NXPE2: variants seen among roughly 807,000 people sequenced by gnomAD.
NXPE2 encodes the protein NXPE family member 2.
In NXPE2, 34 loss-of-function variants were observed where a neutral mutation model predicts 34.4. The observed-to-expected ratio is 0.99, with a 90% CI of 0.75 to 1.31. The LOEUF is 1.31. NXPE2 is among the 40% of genes most tolerant of loss of function. The probability of loss-of-function intolerance (pLI) is 0.00; values close to 1 mark genes in which losing one functional copy is unlikely to be tolerated. For missense variants in NXPE2, 649 were observed against 672.5 expected (o/e 0.97, Z 0.39); for synonymous variants, 235 against 231.3 (o/e 1.02, Z -0.15).
At chr11:114,556,387 A>C in the NXPE2 span, among the ~76,000 whole-genome samples, 7 of 152,130 alleles carry the variant, frequency 4.6e-5, no homozygotes, top group Non-Finnish European at 8.8e-5. Context: ...CCTTGGATAC[A>C]CAGAGCTCAG....
chr11:114,762,926 T>TC, the NXPE2 span, among the ~76,000 whole-genome samples: 2 of 152,014 alleles, frequency 1.3e-5, no homozygotes, highest in East Asian at 3.9e-4. Context: ...CATCGTGACT[T>TC]CAACATCTAC....
chr11:114,797,894 C>T, the NXPE2 span, among the ~76,000 whole-genome samples: 8 of 152,160 alleles, frequency 5.3e-5, no homozygotes, highest in African/African-American at 1.9e-4. Context: ...CTAGACAAGT[C>T]ACTTAAAGTA....
chr11:114,713,243 TG>T, the NXPE2 span, among the ~76,000 whole-genome samples: 1 of 152,014 alleles, frequency 6.6e-6, no homozygotes, highest in East Asian at 1.9e-4. Flanking sequence ...ACTGAAAAAA[TG>T]GTTAAGAGGA....
the NXPE2 span, among the ~76,000 whole-genome samples, chr11:114,654,770 G>A: frequency 6.6e-6 from 1 of 152,128 alleles, no homozygotes; most frequent in Non-Finnish European, 1.5e-5. Flanking sequence ...AAATAGTGCT[G>A]CAATAAATAT....
chr11:114,687,838 G>A (rs1321036407), intron 2 of NXPE2, among the ~76,000 whole-genome samples: 2 of 149,806 alleles, frequency 1.3e-5, no homozygotes, highest in Admixed American at 1.3e-4. Context: ...GTATTCCTAT[G>A]TATTTTTTGT....
intron 2 of NXPE2, among the ~76,000 whole-genome samples, chr11:114,694,703 A>G (rs1221512278): frequency 6.6e-6 from 1 of 151,978 alleles, no homozygotes; most frequent in Non-Finnish European, 1.5e-5. Context: ...TTTTCACATG[A>G]CTATGTTCAG....
the NXPE2 span, among the ~76,000 whole-genome samples, chr11:114,501,898 C>A: frequency 6.6e-6 from 1 of 152,286 alleles, no homozygotes; most frequent in African/African-American, 2.4e-5. Context: ...GGACATTTTG[C>A]TTTGGGAAAT....
At chr11:114,740,309 A>G in the NXPE2 span, among the ~76,000 whole-genome samples, 12 of 152,180 alleles carry the variant, frequency 7.9e-5, no homozygotes, top group Admixed American at 7.2e-4. Context: ...AGTGGAGCCT[A>G]TAGTGTGTGT....
the NXPE2 span, among the ~76,000 whole-genome samples, chr11:114,812,336 C>T: frequency 6.6e-6 from 1 of 152,130 alleles, no homozygotes; most frequent in Admixed American, 6.5e-5. Flanking sequence ...TCACTTCTGT[C>T]CCAGAGCATA....
the NXPE2 span, among the ~76,000 whole-genome samples, chr11:114,731,614 C>A: frequency 6.6e-6 from 1 of 152,068 alleles, no homozygotes; most frequent in Non-Finnish European, 1.5e-5. Context: ...TTTTAAAAAG[C>A]CTCTCTTAAA....
At chr11:114,643,695 G>A in the NXPE2 span, among the ~76,000 whole-genome samples, 14,027 of 151,154 alleles carry the variant, frequency 0.093, 831 homozygotes, top group Middle Eastern at 0.2. Context: ...GTAGCATGAT[G>A]CCTCCACCTT....
At chr11:114,690,993 G>A (rs538512868) in intron 2 of NXPE2, among the ~76,000 whole-genome samples, 31 of 151,858 alleles carry the variant, frequency 2.0e-4, no homozygotes, top group African/African-American at 7.0e-4. Context: ...TTTTTCTGGC[G>A]CCTTTGTGTT....
chr11:114,505,450 G>GA, the NXPE2 span, among the ~76,000 whole-genome samples: 2 of 151,594 alleles, frequency 1.3e-5, no homozygotes, highest in Non-Finnish European at 2.9e-5. Context: ...CAAAATGACA[G>GA]AAAAAATGTT....
the NXPE2 span, chr11:114,529,845 T>A: frequency 1.6e-5 from 4 of 255,836 alleles, 1 homozygote; most frequent in Middle Eastern, 2.6e-3. Context: ...AACGCAAAGA[T>A]ATTTAAGGGG....
intron 3 of NXPE2, among the ~76,000 whole-genome samples, chr11:114,699,994 A>G (rs901312172): frequency 9.2e-5 from 14 of 152,092 alleles, no homozygotes; most frequent in African/African-American, 3.4e-4. Flanking sequence ...GGGTTTTACC[A>G]TGTGGGCCAG....
the NXPE2 span, among the ~76,000 whole-genome samples, chr11:114,655,307 G>A: frequency 2.4e-3 from 367 of 152,174 alleles, 4 homozygotes; most frequent in African/African-American, 8.2e-3. Flanking sequence ...TTCTTTTGCT[G>A]TGCAAAAACT....
chr11:114,631,504 A>C, the NXPE2 span, among the ~76,000 whole-genome samples: 73,017 of 134,232 alleles, frequency 0.54, 20,216 homozygotes, highest in African/African-American at 0.69. Flanking sequence ...AGGGGAACAT[A>C]ACACTCTGGG....
the NXPE2 span, among the ~76,000 whole-genome samples, chr11:114,755,098 A>G: frequency 6.6e-6 from 1 of 152,184 alleles, no homozygotes; most frequent in Non-Finnish European, 1.5e-5. Context: ...GGAAAATGCA[A>G]GGACAATTGG....
chr11:114,521,147 G>A, the NXPE2 span, among the ~76,000 whole-genome samples: 1 of 151,642 alleles, frequency 6.6e-6, no homozygotes. Flanking sequence ...TATCTATTAG[G>A]GTTATTGATT....
Sources: allele counts gnomAD v4.1 joint callset (sites outside exome capture counted in the v4.1 genomes callset), GRCh38; gene constraint gnomAD v4.1.1; transcripts MANE v1.5; gene names NCBI Gene and HGNC (gene_info 2026-07-23, HGNC 2026-07-21).